The following SUPT20HL2 variants were observed in gnomAD, a reference collection of about 807,000 sequenced individuals.
The protein encoded by SUPT20HL2 is SUPT20H like 2, also known as transcription factor SPT20 homolog-like 2.
For missense variants in SUPT20HL2, 288 were observed against 127.4 expected, an observed-to-expected ratio of 2.26 and a Z score of -6.07; for synonymous variants, 125 against 51.6, an observed-to-expected ratio of 2.42 and a Z score of -6.10.
At position 24,311,512 on chromosome X, in the gene SUPT20HL2, C is replaced by T. The variant is rs779684217; in HGVS notation, c.1804G>A (p.Ala602Thr). Reference sequence around the variant, plus strand: ...CCACTGATTCCTGCAGGAGCGGGGGCACCCGAGCCAGGGGCCTGCACAGGC... The same window carrying T: ...CCACTGATTCCTGCAGGAGCGGGGGTACCCGAGCCAGGGGCCTGCACAGGC... ...FKPVQAPGSG[A>T]PAPAGISGSG... Residue 602 changes from alanine to threonine, a missense_variant, in exon 1 of 1, where the codon GCC becomes ACC. Coordinates refer to ENST00000486479, the MANE Select transcript of SUPT20HL2 (RefSeq NM_001136233.3). 2.6e-6 allele frequency: 1 copy of T among 387,243 alleles called. No individual in the cohort carries two copies. The highest frequency in any genetic ancestry group is 2.3e-5 in the South Asian group (1 of 42,800). 31.9% of individuals were successfully genotyped at this position (387,243 alleles called of 1,213,427 possible).
In SUPT20HL2 at chrX:24,313,359, G is replaced by A. The variant is rs771461026; in HGVS notation, c.-44C>T. The A allele has an allele frequency of 2.7e-5, 9 of 327,876 alleles. No individual in the cohort carries two copies. The highest frequency in any genetic ancestry group is 1.6e-4 in the African/African-American group (6 of 36,905). The allele number at this position is 327,876 out of a possible 1,213,427, so 27.0% of individuals were successfully genotyped here. On this transcript the variant is annotated 5_prime_UTR_variant, in exon 1 of 1. Transcript: ENST00000486479. ...CCCTAAGAGGAGAGAAAACGCATGT[G>A]CGTTGGTGAAGCAGGGTGGAATCAC...
In SUPT20HL2 at chrX:24,312,207, C is replaced by T. The variant is rs919939231; in HGVS notation, c.1109G>A (p.Arg370His). ...DPLLCGKIRP[R>H]KKARQKSQKS... ...CTGGCTCTTCTGCCTGGCTTTTTTACGTGGCCGTATTTTACCACAGAGAAG... is the reference window on the plus strand; with the variant it reads ...CTGGCTCTTCTGCCTGGCTTTTTTATGTGGCCGTATTTTACCACAGAGAAG... The change falls in exon 1 of 1, where the codon CGT (arginine) becomes CAT (histidine). Residue 370 changes from arginine to histidine, a missense_variant. Arg to His is a conservative substitution (Grantham distance 29). Coordinates refer to ENST00000486479, the MANE Select transcript of SUPT20HL2 (RefSeq NM_001136233.3). The T allele has an allele frequency of 5.2e-6, 2 of 385,722 alleles. No homozygotes were observed. Among genetic ancestry groups the T allele is most frequent in the Non-Finnish European group, 1.0e-5 (2 of 192,327 alleles). The allele number at this position is 385,722 out of a possible 1,213,427, so 31.8% of individuals were successfully genotyped here. A position where few individuals can be genotyped will look rare whatever the true frequency, so the allele number is the denominator to read the frequency against.
In SUPT20HL2 at chrX:24,310,104, C is replaced by A. The variant is rs1474832782; in HGVS notation, c.*758G>T. 9.0e-6 allele frequency among the ~76,000 whole-genome samples: 1 copy of A among 111,613 alleles called. No homozygotes were observed. ...TTCATATATATTATGTACAGTGAGA[C>A]CATTTTTAAAAAGCAATGACCTTCA... On this transcript the variant is annotated 3_prime_UTR_variant, in exon 1 of 1. Coordinates refer to ENST00000486479, the MANE Select transcript of SUPT20HL2 (RefSeq NM_001136233.3).
rs1569195653 is a variant in SUPT20HL2, at chrX:24,309,704, T to TGAA, written c.*1157_*1158insTTC. Among the ~76,000 whole-genome samples the TGAA allele has an allele frequency of 5.4e-5, 1 of 18,355 alleles. No individual in the cohort carries two copies. Among genetic ancestry groups the TGAA allele is most frequent in the Non-Finnish European group, 9.0e-5 (1 of 11,109 alleles). The allele number at this position is 18,355 out of a possible 115,157, so 15.9% of individuals were successfully genotyped here. On this transcript the variant is annotated 3_prime_UTR_variant, in exon 1 of 1. Coordinates refer to ENST00000486479, the MANE Select transcript of SUPT20HL2 (RefSeq NM_001136233.3). ...AAAAAAAAAAAATTAAAAAAAAAAATTAAAAAAAAAAAGAAAAAAATAATA... is the reference window on the plus strand; with the variant it reads ...AAAAAAAAAAAATTAAAAAAAAAAATGAATAAAAAAAAAAAGAAAAAAATAATA...
rs1334013554 is a variant in SUPT20HL2, at chrX:24,310,892, C to T, written c.2424G>A (p.Lys808=). The part of the protein sequence containing the change: ...QAGSQLVGQR[K]GGKPTPPAP Reference sequence around the variant, plus strand: ...GAGCTGGAGGGGTTGGCTTGCCTCCCTTCCTCTGACCTACCAACTGGCTCC... The same window carrying T: ...GAGCTGGAGGGGTTGGCTTGCCTCCTTTCCTCTGACCTACCAACTGGCTCC... The change falls in exon 1 of 1, where the codon AAG becomes AAA. Residue 808 remains lysine (K), a synonymous_variant. Coordinates refer to ENST00000486479, the MANE Select transcript of SUPT20HL2 (RefSeq NM_001136233.3). 2.6e-6 allele frequency: 1 copy of T among 386,404 alleles called. No individual in the cohort carries two copies. The highest frequency in any genetic ancestry group is 5.2e-6 in the Non-Finnish European group (1 of 192,058). The allele number at this position is 386,404 out of a possible 1,213,427, so 31.8% of individuals were successfully genotyped here.
rs980940810 is a variant in SUPT20HL2 at position 24,310,021 on chromosome X, T to C, written c.*841A>G. 1.1e-4 allele frequency among the ~76,000 whole-genome samples: 12 copies of C among 111,385 alleles called. No individual in the cohort carries two copies. Among genetic ancestry groups the C allele is most frequent in the Non-Finnish European group, 1.7e-4 (9 of 53,114 alleles). On this transcript the variant is annotated 3_prime_UTR_variant, in exon 1 of 1. Transcript: ENST00000486479. The stretch of plus-strand genomic sequence containing the variant: ...CATATATTGTGCATAAACCTATTAA[T>C]GTGAATACGATTACACTCTTTCTTC...
Position 24,314,012 on chromosome X carries a change from A to G in SUPT20HL2, c.-697T>C, listed in dbSNP as rs772701281. On this transcript the variant is annotated 5_prime_UTR_variant, in exon 1 of 1. Coordinates refer to ENST00000486479, the MANE Select transcript of SUPT20HL2 (RefSeq NM_001136233.3). ...TTTGAGGGTTTCTGAAAACATCGGT[A>G]CCTGAGGGGTGATTGTCGTGGCCTG... is the stretch of plus-strand genomic sequence containing the variant. 8.2e-6 allele frequency: 3 copies of G among 364,486 alleles called. No homozygotes were observed. Among genetic ancestry groups the G allele is most frequent in the African/African-American group, 5.1e-5 (2 of 38,943 alleles). The allele number at this position is 364,486 out of a possible 1,213,427, so 30.0% of individuals were successfully genotyped here.
rs1449138641 is a variant in SUPT20HL2, at chrX:24,312,312, T to C, written c.1004A>G (p.Asp335Gly). Residue 335 changes from aspartate (D) to glycine (G), a missense_variant, in exon 1 of 1, where the codon GAC becomes GGC. Transcript: ENST00000486479. ...AGCTTCCCATGCATGTCTGAAAGGG[T>C]CTTCTACCTCCTGGGCTGGCCAGAC... ...LPVWPAQEVE[D>G]PFRHAWEAGC... is the part of the protein sequence containing the mutation. The C allele has an allele frequency of 2.6e-6, 1 of 386,541 alleles. No homozygotes were observed. Among genetic ancestry groups the C allele is most frequent in the Non-Finnish European group, 5.2e-6 (1 of 192,416 alleles). 31.9% of individuals were successfully genotyped at this position (386,541 alleles called of 1,213,427 possible).
At position 24,309,769 on chromosome X, in the gene SUPT20HL2, A is replaced by AAC. The variant is rs1939105758; in HGVS notation, c.*1092_*1093insGT. 4.8e-5 allele frequency among the ~76,000 whole-genome samples: 3 copies of AAC among 61,867 alleles called. No homozygotes were observed. The highest frequency in any genetic ancestry group is 1.9e-4 in the Admixed American group (1 of 5,293). The allele number at this position is 61,867 out of a possible 115,157, so 53.7% of individuals were successfully genotyped here. On this transcript the variant is annotated 3_prime_UTR_variant, in exon 1 of 1. Transcript: ENST00000486479. Reference sequence around the variant, plus strand: ...AAGAAAAAAAAAAAAAAAAAAAAAAACATCCAAAAAGAGCCTTTTCAAAGC... The same window carrying AAC: ...AAGAAAAAAAAAAAAAAAAAAAAAAAACCATCCAAAAAGAGCCTTTTCAAAGC...
rs1223729389 is a variant in SUPT20HL2, at chrX:24,313,543, C to A, written c.-228G>T. On this transcript the variant is annotated 5_prime_UTR_variant, in exon 1 of 1. Coordinates refer to ENST00000486479, the MANE Select transcript of SUPT20HL2 (RefSeq NM_001136233.3). The stretch of plus-strand genomic sequence containing the variant: ...CTGAGGGGTCGTCGTCGTGGCCGGG[C>A]TTCACGTCTCTGCGGCCTGGAACAG... 1.9e-5 allele frequency among the ~76,000 whole-genome samples: 2 copies of A among 105,215 alleles called. No homozygotes were observed. The highest frequency in any genetic ancestry group is 7.1e-5 in the African/African-American group (2 of 28,309). 91.4% of individuals were successfully genotyped at this position (105,215 alleles called of 115,157 possible). A position where few individuals can be genotyped will look rare whatever the true frequency, so the allele number is the denominator to read the frequency against.
rs1939155951 is a variant in SUPT20HL2, at chrX:24,313,576, C to T, written c.-261G>A. Reference sequence around the variant, plus strand: ...CTCTGCGGCCTGGAACAGAAGTGAGCGGGAGGGCCGGGGTCAGCTTCTAGG... The same window carrying T: ...CTCTGCGGCCTGGAACAGAAGTGAGTGGGAGGGCCGGGGTCAGCTTCTAGG... On this transcript the variant is annotated 5_prime_UTR_variant, in exon 1 of 1. Transcript: ENST00000486479. Among the ~76,000 whole-genome samples, 1 of 103,191 alleles carries T rather than the reference C, an allele frequency of 9.7e-6. No homozygotes were observed. Among genetic ancestry groups the T allele is most frequent in the African/African-American group, 3.6e-5 (1 of 27,603 alleles). 89.6% of individuals were successfully genotyped at this position (103,191 alleles called of 115,157 possible).
In SUPT20HL2 at chrX:24,310,541, AT is replaced by A; in HGVS notation, c.*320del. Among the ~76,000 whole-genome samples, 1 of 112,649 alleles carries A rather than the reference AT, an allele frequency of 8.9e-6. No homozygotes were observed. The highest frequency in any genetic ancestry group is 1.9e-5 in the Non-Finnish European group (1 of 53,370). The stretch of plus-strand genomic sequence containing the variant: ...TTAACTTAACATTGTTGGTACTGCC[AT>A]TTTATGGCTCTAGAGAAATATGCTT... On this transcript the variant is annotated 3_prime_UTR_variant, in exon 1 of 1. Coordinates refer to ENST00000486479, the MANE Select transcript of SUPT20HL2 (RefSeq NM_001136233.3).
At position 24,313,294 on chromosome X, in the gene SUPT20HL2, C is replaced by A. The variant is rs1428036309; in HGVS notation, c.22G>T (p.Ala8Ser). The change falls in exon 1 of 1, where the codon GCT becomes TCT. Residue 8 changes from alanine (A) to serine (S), a missense_variant. Coordinates refer to ENST00000486479, the MANE Select transcript of SUPT20HL2 (RefSeq NM_001136233.3). MDRDLEQALDRTENITEI... is the reference protein window; with the variant it reads MDRDLEQSLDRTENITEI... ...GTGATATTCTCTGTGCGATCCAGAG[C>A]CTGTTCTAAATCTCGATCCATTGTA... The A allele has an allele frequency of 2.6e-6, 1 of 384,322 alleles. No individual in the cohort carries two copies. The highest frequency in any genetic ancestry group is 5.2e-6 in the Non-Finnish European group (1 of 191,904). 31.7% of individuals were successfully genotyped at this position (384,322 alleles called of 1,213,427 possible). A position where few individuals can be genotyped will look rare whatever the true frequency, so the allele number is the denominator to read the frequency against.
chrX:24,314,050 C>T lies in SUPT20HL2; in HGVS notation c.-735G>A. ...TTGTCGTGGCCTGGGCTTCGCGTCT[C>T]TGAGTGCTGCACCGGAAATGAACGG... is the stretch of plus-strand genomic sequence containing the variant. On this transcript the variant is annotated 5_prime_UTR_variant, in exon 1 of 1. Transcript: ENST00000486479. 2.7e-6 allele frequency: 1 copy of T among 367,985 alleles called. No individual in the cohort carries two copies. Among genetic ancestry groups the T allele is most frequent in the African/African-American group, 2.5e-5 (1 of 39,852 alleles). The allele number at this position is 367,985 out of a possible 1,213,427, so 30.3% of individuals were successfully genotyped here. A position where few individuals can be genotyped will look rare whatever the true frequency, so the allele number is the denominator to read the frequency against.
chrX:24,309,585 C>T lies in SUPT20HL2; in HGVS notation c.*1277G>A, dbSNP rs1425457368. ...GAGATATACCTAATGCTAGATGACA[C>T]GTTAGTGGGTGCAGCGCACCAGCAT... is the stretch of plus-strand genomic sequence containing the variant. On this transcript the variant is annotated 3_prime_UTR_variant, in exon 1 of 1. Coordinates refer to ENST00000486479, the MANE Select transcript of SUPT20HL2 (RefSeq NM_001136233.3). 6.3e-5 allele frequency among the ~76,000 whole-genome samples: 6 copies of T among 94,838 alleles called. No individual in the cohort carries two copies. Among genetic ancestry groups the T allele is most frequent in the Non-Finnish European group, 1.2e-4 (6 of 48,113 alleles). The allele number at this position is 94,838 out of a possible 115,157, so 82.4% of individuals were successfully genotyped here.
In SUPT20HL2 at chrX:24,309,734, T is replaced by TAAAAAAAAAAAAAAAAAAAAAA. The variant is rs1429702092; in HGVS notation, c.*1127_*1128insTTTTTTTTTTTTTTTTTTTTTT. Among the ~76,000 whole-genome samples the TAAAAAAAAAAAAAAAAAAAAAA allele has an allele frequency of 1.9e-4, 3 of 15,704 alleles. No homozygotes were observed. Among genetic ancestry groups the TAAAAAAAAAAAAAAAAAAAAAA allele is most frequent in the Non-Finnish European group, 2.9e-4 (3 of 10,390 alleles). 13.6% of individuals were successfully genotyped at this position (15,704 alleles called of 115,157 possible). ...AAAAAAAAGAAAAAAATAATAAAAA[T>TAAAAAAAAAAAAAAAAAAAAAA]AAAAAAAAAAAGAAAAAAAAAAAAA... On this transcript the variant is annotated 3_prime_UTR_variant, in exon 1 of 1. Transcript: ENST00000486479.
rs1279678081 is a variant in SUPT20HL2 at position 24,311,204 on chromosome X, A to T, written c.2112T>A (p.Pro704=). ...LGLSTQGQAF[P]AQQLLNVNLT... is the part of the protein sequence containing the mutation. ...GGTTCACATTAAGAAGTTGCTGAGC[A>T]GGGAAGGCCTGCCCTTGCGTGCTCA... is the stretch of plus-strand genomic sequence containing the variant. Residue 704 remains proline (P), a synonymous_variant, in exon 1 of 1, where the codon CCT becomes CCA. Coordinates refer to ENST00000486479, the MANE Select transcript of SUPT20HL2 (RefSeq NM_001136233.3). The T allele has an allele frequency of 2.6e-6, 1 of 384,710 alleles. No homozygotes were observed. The highest frequency in any genetic ancestry group is 2.5e-5 in the Admixed American group (1 of 39,337). The allele number at this position is 384,710 out of a possible 1,213,427, so 31.7% of individuals were successfully genotyped here.
chrX:24,309,746 G>GAAAAAAAAAAAAAAAAAAA lies in SUPT20HL2; in HGVS notation c.*1097_*1115dup. The stretch of plus-strand genomic sequence containing the variant: ...AAAATAATAAAAATAAAAAAAAAAA[G>GAAAAAAAAAAAAAAAAAAA]AAAAAAAAAAAAAAAAAAAAAAACA... On this transcript the variant is annotated 3_prime_UTR_variant, in exon 1 of 1. Coordinates refer to ENST00000486479, the MANE Select transcript of SUPT20HL2 (RefSeq NM_001136233.3). Among the ~76,000 whole-genome samples, 10 of 21,786 alleles carry GAAAAAAAAAAAAAAAAAAA rather than the reference G, an allele frequency of 4.6e-4. No homozygotes were observed. Among genetic ancestry groups the GAAAAAAAAAAAAAAAAAAA allele is most frequent in the Non-Finnish European group, 6.2e-4 (9 of 14,581 alleles). The allele number at this position is 21,786 out of a possible 115,157, so 18.9% of individuals were successfully genotyped here.
rs1340189683 is a variant in SUPT20HL2, at chrX:24,309,534, G to A, written c.*1328C>T. ...TCCAAAAAGGGACTGTGGTGGGGTC[G>A]GGGGAGGGGGGAGGGATAGCATTGG... On this transcript the variant is annotated 3_prime_UTR_variant, in exon 1 of 1. Coordinates refer to ENST00000486479, the MANE Select transcript of SUPT20HL2 (RefSeq NM_001136233.3). Among the ~76,000 whole-genome samples the A allele has an allele frequency of 3.0e-5, 2 of 65,837 alleles. No homozygotes were observed. Among genetic ancestry groups the A allele is most frequent in the Non-Finnish European group, 5.5e-5 (2 of 36,605 alleles). The allele number at this position is 65,837 out of a possible 115,157, so 57.2% of individuals were successfully genotyped here.
Sources: gnomAD v4.1 joint callset for allele counts (sites outside exome capture counted in the v4.1 genomes callset) on GRCh38, gnomAD v4.1.1 for gene constraint, MANE v1.5 for transcripts, NCBI Gene and HGNC (gene_info 2026-07-23, HGNC 2026-07-21) for gene names.